The following RPS6KC1 variants were observed in gnomAD, a reference collection of about 807,000 sequenced individuals.
RPS6KC1 encodes the protein ribosomal protein S6 kinase C1, also known as inactive ribosomal protein S6 kinase delta-1.
Under a neutral mutation model 103.8 loss-of-function variants are expected in RPS6KC1, and 54 were observed. The observed-to-expected ratio is 0.52, with a 90% CI of 0.42 to 0.65. The LOEUF is 0.65. Ranked by LOEUF, RPS6KC1 falls within the 30% of genes least tolerant of loss-of-function variation. The pLI is 0.00. For synonymous variants in RPS6KC1, 439 were observed against 438.7 expected, an observed-to-expected ratio of 1.00 and a Z score of -0.01; for missense variants, 1,151 against 1,253.8, an observed-to-expected ratio of 0.92 and a Z score of 1.24.
At chr1:213,173,202 A>G (rs896338008) in intron 7 of RPS6KC1, among the ~76,000 whole-genome samples, 1 of 152,232 alleles carries the variant, frequency 6.6e-6, no homozygotes, top group South Asian at 2.1e-4. Context: ...CAATTTAAGC[A>G]CTACATATGA....
the RPS6KC1 span, among the ~76,000 whole-genome samples, chr1:213,301,496 A>G: frequency 3.9e-5 from 6 of 152,220 alleles, no homozygotes; most frequent in Non-Finnish European, 5.9e-5. Context: ...CAGAAAAGGC[A>G]TATAGTCCAG....
the RPS6KC1 span, among the ~76,000 whole-genome samples, chr1:213,446,328 A>T: frequency 6.6e-6 from 1 of 152,200 alleles, no homozygotes; most frequent in Non-Finnish European, 1.5e-5. Flanking sequence ...ATTCAAATAA[A>T]AGTATGTGGA....
chr1:213,338,954 G>T, the RPS6KC1 span, among the ~76,000 whole-genome samples: 2 of 152,034 alleles, frequency 1.3e-5, no homozygotes. Context: ...ACAGAGCAAG[G>T]CTAGCTTAGT....
chr1:213,445,291 T>C, the RPS6KC1 span, among the ~76,000 whole-genome samples: 1 of 152,220 alleles, frequency 6.6e-6, no homozygotes, highest in African/African-American at 2.4e-5. Flanking sequence ...TCTGCGAACA[T>C]TTCATGTACA....
intron 6 of RPS6KC1, among the ~76,000 whole-genome samples, chr1:213,130,123 TA>T (rs1427602073): frequency 6.6e-6 from 1 of 152,042 alleles, no homozygotes; most frequent in African/African-American, 2.4e-5. Flanking sequence ...AAACAGGATT[TA>T]AAAAAAAGTC....
chr1:213,507,755 A>C, the RPS6KC1 span, among the ~76,000 whole-genome samples: 1 of 152,140 alleles, frequency 6.6e-6, no homozygotes, highest in Non-Finnish European at 1.5e-5. Flanking sequence ...ACATATGCTG[A>C]GTGTATTAAT....
the RPS6KC1 span, among the ~76,000 whole-genome samples, chr1:213,561,947 G>A: frequency 1.3e-5 from 2 of 152,146 alleles, no homozygotes. Context: ...AGCCCAGTAG[G>A]GTCAAGGTTG....
chr1:213,334,846 A>G, the RPS6KC1 span, among the ~76,000 whole-genome samples: 1 of 152,110 alleles, frequency 6.6e-6, no homozygotes, highest in Non-Finnish European at 1.5e-5. Context: ...CTATCTAGAG[A>G]TATATATATT....
intron 6 of RPS6KC1, 43 bp downstream of exon 6, chr1:213,129,932 G>A: frequency 1.3e-6 from 2 of 1,523,050 alleles, no homozygotes; most frequent in Non-Finnish European, 1.7e-6. Flanking sequence ...CTCTTTTGTT[G>A]GTATGTGGGA....
At chr1:213,284,996 T>C in the RPS6KC1 span, among the ~76,000 whole-genome samples, 1 of 152,232 alleles carries the variant, frequency 6.6e-6, no homozygotes, top group Non-Finnish European at 1.5e-5. Flanking sequence ...AGGGCACATG[T>C]GGTTATCAAC....
Position 213,267,273 on chromosome 1 carries a change from C to A in RPS6KC1, c.3090+4457C>A, listed in dbSNP as rs145568450. On this transcript the variant is annotated intron_variant, in intron 14 of 14. Transcript: ENST00000366960. ...TAGGCTATACAGACACAGGGGTGAC[C>A]CCGAGAAAGCCAACTTTAAAAAGAA... 2.9e-3 allele frequency among the ~76,000 whole-genome samples: 442 copies of A among 151,258 alleles called. 1 individual carries two copies. The highest frequency in any genetic ancestry group is 9.3e-3 in the African/African-American group (385 of 41,264).
At chr1:213,552,920 G>A in the RPS6KC1 span, among the ~76,000 whole-genome samples, 2 of 151,988 alleles carry the variant, frequency 1.3e-5, no homozygotes, top group Admixed American at 6.6e-5. Flanking sequence ...ACTGAGGTTT[G>A]GGCCACGGGA....
At chr1:213,740,039 A>G in the RPS6KC1 span, among the ~76,000 whole-genome samples, 1 of 152,188 alleles carries the variant, frequency 6.6e-6, no homozygotes, top group Non-Finnish European at 1.5e-5. Context: ...AAATGAGGGT[A>G]ATTAATAGAA....
the RPS6KC1 span, among the ~76,000 whole-genome samples, chr1:213,323,090 G>A: frequency 6.6e-6 from 1 of 151,794 alleles, no homozygotes; most frequent in Non-Finnish European, 1.5e-5. Context: ...AAAGCCAGCA[G>A]CATAGCATCT....
At chr1:213,844,102 A>T in the RPS6KC1 span, among the ~76,000 whole-genome samples, 1 of 152,238 alleles carries the variant, frequency 6.6e-6, no homozygotes, top group Non-Finnish European at 1.5e-5. Flanking sequence ...TATGATTCAT[A>T]TATGCATTAG....
chr1:213,855,305 T>C, the RPS6KC1 span, among the ~76,000 whole-genome samples: 1 of 152,118 alleles, frequency 6.6e-6, no homozygotes. Context: ...AAAACGCTTA[T>C]CAAGTCGTAT....
the RPS6KC1 span, among the ~76,000 whole-genome samples, chr1:213,628,761 C>G: frequency 1.4e-4 from 22 of 151,858 alleles, no homozygotes; most frequent in Admixed American, 7.2e-4. Context: ...TGAATGTGTC[C>G]CAGAGATTCT....
chr1:213,204,010 G>C (rs1313708676), intron 8 of RPS6KC1, among the ~76,000 whole-genome samples: 1 of 152,180 alleles, frequency 6.6e-6, no homozygotes, highest in Non-Finnish European at 1.5e-5. Context: ...CAGTCCTCCA[G>C]AAGTTTCCTG....
At position 213,241,605 on chromosome 1, in the gene RPS6KC1, C is replaced by T. The variant is rs1446575403; in HGVS notation, c.2129C>T (p.Pro710Leu). Residue 710 changes from proline (P) to leucine (L), a missense_variant, in exon 11 of 15, where the codon CCT (proline) becomes CTT (leucine). This residue lies in a region of RPS6KC1 where 959 missense variants were observed against 1,006.3 expected (regional missense o/e 0.95). Transcript: ENST00000366960. ...ACAAGAGAAGCTGCAGCAATGGGAC[C>T]TACTAAGTTTACACAAACTAATATA... ...ESTREAAAMG[P>L]TKFTQTNIGI... 2.5e-6 allele frequency: 4 copies of T among 1,613,880 alleles called. No individual in the cohort carries two copies. Among genetic ancestry groups the T allele is most frequent in the Non-Finnish European group, 3.4e-6 (4 of 1,179,914 alleles).
Sources: gnomAD v4.1 joint callset for allele counts (sites outside exome capture counted in the v4.1 genomes callset) on GRCh38, gnomAD v4.1.1 for gene constraint, gnomAD v4.1.1 regional missense constraint, MANE v1.5 for transcripts, NCBI Gene and HGNC (gene_info 2026-07-23, HGNC 2026-07-21) for gene names.